Variants in FBXO31 observed in about 807,000 individuals in gnomAD.
The protein encoded by FBXO31 is F-box only protein 31.
A neutral mutation model predicts 54.4 loss-of-function variants in FBXO31; 24 were observed. That is an observed-to-expected ratio of 0.44 (90% CI 0.32 to 0.62). The LOEUF is 0.62. Ranked by LOEUF, FBXO31 falls within the 20% of genes least tolerant of loss-of-function variation. The pLI is 0.05. For synonymous variants in FBXO31, 388 were observed against 335.6 expected (o/e 1.16, Z -1.71); for missense variants, 665 against 787.1 (o/e 0.84, Z 1.86).
In FBXO31 at chr16:87,338,354, G is replaced by T. The variant is rs574020567; in HGVS notation, c.733-2090C>A. ...ACCCTCGTGGCAGCGCCGGCAGAGG[G>T]GGCTGAGGGTGACAAGGATGCCTGC... On this transcript the variant is annotated intron_variant, in intron 5 of 8. Transcript: ENST00000311635. This position sits in a 1 kb window ranked among gnomAD's most constrained non-coding sequence, Gnocchi z 4.3. Among the ~76,000 whole-genome samples, 1 of 152,134 alleles carries T rather than the reference G, an allele frequency of 6.6e-6. No individual in the cohort carries two copies. The highest frequency in any genetic ancestry group is 1.5e-5 in the Non-Finnish European group (1 of 68,014).
At position 87,345,321 on chromosome 16, in the gene FBXO31, G is replaced by A. The variant is rs1030925738; in HGVS notation, c.490-1556C>T. ...TCAAGAGGCTCCAGCAGGAGGGTGC[G>A]GGGAGGGCGGGAGGCAGGGTGGGAG... On this transcript the variant is annotated intron_variant, in intron 3 of 8. Coordinates refer to ENST00000311635, the MANE Select transcript of FBXO31 (RefSeq NM_024735.5). This position sits in a 1 kb window ranked among gnomAD's most constrained non-coding sequence, Gnocchi z 4.9. 1.3e-5 allele frequency among the ~76,000 whole-genome samples: 2 copies of A among 151,188 alleles called. No homozygotes were observed. The highest frequency in any genetic ancestry group is 2.1e-4 in the South Asian group (1 of 4,742).
At chr16:87,359,556 A>T (rs1906043340) in intron 2 of FBXO31, among the ~76,000 whole-genome samples, 2 of 152,242 alleles carry the variant, frequency 1.3e-5, no homozygotes, top group Admixed American at 6.5e-5. Flanking sequence ...GGCCTAAGAA[A>T]CTCAAAGAGC....
At chr16:87,373,645 C>T (rs1406746100) in intron 1 of FBXO31, among the ~76,000 whole-genome samples, 2 of 151,834 alleles carry the variant, frequency 1.3e-5, no homozygotes, top group African/African-American at 4.8e-5. Context: ...CCTCCAGCCT[C>T]CCTCAGCCTC....
intron 1 of FBXO31, among the ~76,000 whole-genome samples, chr16:87,378,254 T>C (rs1376910496): frequency 6.6e-6 from 1 of 151,896 alleles, no homozygotes; most frequent in Non-Finnish European, 1.5e-5. Context: ...AAATGAAAGA[T>C]AAATAAAATA....
At chr16:87,368,425 G>C (rs1906457395) in intron 1 of FBXO31, among the ~76,000 whole-genome samples, 1 of 152,184 alleles carries the variant, frequency 6.6e-6, no homozygotes, top group African/African-American at 2.4e-5. Flanking sequence ...TCTCAGGCCA[G>C]TGTCCTTTCC....
chr16:87,335,468 C>T lies in FBXO31; in HGVS notation c.843-11G>A, dbSNP rs758244030. On this transcript the variant is annotated splice_polypyrimidine_tract_variant and intron_variant, in intron 6 of 8. Transcript: ENST00000311635. The surrounding 1 kb of genome is among the most constrained non-coding windows in gnomAD (Gnocchi z 5.7). ...TAGGTCAGGCAGTTGCTGTGGGGAG[C>T]GGACGGGTCAGTACAGGAGACCTCG... 12 of 1,561,544 alleles carry T rather than the reference C, an allele frequency of 7.7e-6. No homozygotes were observed. Among genetic ancestry groups the T allele is most frequent in the African/African-American group, 1.4e-5 (1 of 73,376 alleles).
intron 8 of FBXO31, 65 bp from the exon 9 acceptor site, chr16:87,331,575 A>G (rs1904861449): frequency 3.0e-6 from 4 of 1,352,514 alleles, no homozygotes; most frequent in Middle Eastern, 1.8e-4. Context: ...CGCCACGTAC[A>G]GCATTCTGCG....
At chr16:87,381,684 G>T (rs1308423883) in intron 1 of FBXO31, among the ~76,000 whole-genome samples, 4 of 152,316 alleles carry the variant, frequency 2.6e-5, no homozygotes, top group South Asian at 2.1e-4. Context: ...AGGCTGCAAA[G>T]GTTTCATCAA....
intron 1 of FBXO31, 116 bp from the exon 2 acceptor site, chr16:87,360,482 A>T: frequency 1.3e-6 from 1 of 785,382 alleles, no homozygotes; most frequent in Non-Finnish European, 2.2e-6. Flanking sequence ...CCCCATCTCC[A>T]GAGTGCATCT....
At chr16:87,337,913 A>G (rs1168248077) in intron 5 of FBXO31, among the ~76,000 whole-genome samples, 1 of 152,228 alleles carries the variant, frequency 6.6e-6, no homozygotes, top group African/African-American at 2.4e-5. Context: ...GAAAATAACC[A>G]TAAAAGAAAA....
At chr16:87,348,176 G>C (rs961195545) in intron 2 of FBXO31, among the ~76,000 whole-genome samples, 1 of 152,124 alleles carries the variant, frequency 6.6e-6, no homozygotes, top group Non-Finnish European at 1.5e-5. Context: ...TCCCTGGCCA[G>C]GCTCTAGGCC....
rs951362459 is a variant in FBXO31 at position 87,346,470 on chromosome 16, T to G, written c.489+704A>C. ...AATTTAATAAAAAAGAAAGCCAGAC[T>G]TCCATCTCCAGCCATGATCAAGTAC... is the stretch of plus-strand genomic sequence containing the variant. On this transcript the variant is annotated intron_variant, in intron 3 of 8. Transcript: ENST00000311635. The surrounding 1 kb of genome is among the most constrained non-coding windows in gnomAD (Gnocchi z 4.2). Among the ~76,000 whole-genome samples, 5 of 152,154 alleles carry G rather than the reference T, an allele frequency of 3.3e-5. No individual in the cohort carries two copies. Among genetic ancestry groups the G allele is most frequent in the Non-Finnish European group, 7.4e-5 (5 of 68,024 alleles).
chr16:87,381,668 G>A (rs1335638020), intron 1 of FBXO31, among the ~76,000 whole-genome samples: 1 of 152,178 alleles, frequency 6.6e-6, no homozygotes, highest in African/African-American at 2.4e-5. Flanking sequence ...CAAAGAGCCC[G>A]ACAACAGGCT....
chr16:87,378,206 A>G (rs1165202228), intron 1 of FBXO31, among the ~76,000 whole-genome samples: 2 of 152,138 alleles, frequency 1.3e-5, no homozygotes, highest in African/African-American at 2.4e-5. Flanking sequence ...GATTACATAA[A>G]TAAAATCCAC....
rs1025285973 is a variant in FBXO31, at chr16:87,336,678, C to G, written c.733-414G>C. Among the ~76,000 whole-genome samples, 9 of 152,144 alleles carry G rather than the reference C, an allele frequency of 5.9e-5. No homozygotes were observed. Among genetic ancestry groups the G allele is most frequent in the African/African-American group, 1.9e-4 (8 of 41,420 alleles). On this transcript the variant is annotated intron_variant, in intron 5 of 8. Coordinates refer to ENST00000311635, the MANE Select transcript of FBXO31 (RefSeq NM_024735.5). This position sits in a 1 kb window ranked among gnomAD's most constrained non-coding sequence, Gnocchi z 6.5. ...AGCCTGCTTCTCTGGCTCCTGGGAGCCTGAGTGTTCCAGAAGCCCTCACCA... is the reference window on the plus strand; with the variant it reads ...AGCCTGCTTCTCTGGCTCCTGGGAGGCTGAGTGTTCCAGAAGCCCTCACCA...
At chr16:87,365,010 AAT>A (rs55746745) in intron 1 of FBXO31, among the ~76,000 whole-genome samples, 1,152 of 47,654 alleles carry the variant, frequency 0.024, 255 homozygotes, top group African/African-American at 0.1. Flanking sequence ...CCGTCTCTTA[AAT>A]ATATATATAT....
chr16:87,356,603 T>C (rs1339821810), intron 2 of FBXO31, among the ~76,000 whole-genome samples: 4 of 152,130 alleles, frequency 2.6e-5, no homozygotes, highest in Non-Finnish European at 5.9e-5. Flanking sequence ...GCTAACCAAA[T>C]CCAGGCACCT....
intron 1 of FBXO31, among the ~76,000 whole-genome samples, chr16:87,371,169 T>C (rs1055563378): frequency 6.6e-6 from 1 of 152,166 alleles, no homozygotes; most frequent in African/African-American, 2.4e-5. Flanking sequence ...CTATCAAACA[T>C]CAGAGTATGT....
At chr16:87,363,863 A>G (rs774204791) in intron 1 of FBXO31, among the ~76,000 whole-genome samples, 11 of 152,224 alleles carry the variant, frequency 7.2e-5, no homozygotes, top group South Asian at 4.1e-4. Flanking sequence ...TCTGTAAGTT[A>G]AAGGAACTGG....
Sources: allele counts gnomAD v4.1 joint callset (sites outside exome capture counted in the v4.1 genomes callset), GRCh38; gene constraint gnomAD v4.1.1; non-coding constraint Gnocchi (gnomAD v3.1); transcripts MANE v1.5; gene names NCBI Gene and HGNC (gene_info 2026-07-23, HGNC 2026-07-21).